The following ZNF668 variants were observed in gnomAD, a reference collection of about 807,000 sequenced individuals.
ZNF668 encodes zinc finger protein 668.
ZNF668 carries 10 observed loss-of-function variants against 40.3 expected under a neutral mutation model. That is an observed-to-expected ratio of 0.25 (90% confidence interval 0.15 to 0.42). The LOEUF (loss-of-function observed/expected upper bound fraction) is 0.42. Among genes scored for constraint, ZNF668 ranks in the 10% least tolerant of loss-of-function variants. ZNF668 has a pLI of 1.00. For missense variants in ZNF668, 749 were observed against 904.6 expected (o/e 0.83, Z 2.21); for synonymous variants, 428 against 384.6 (o/e 1.11, Z -1.32).
At chr16:31,068,239 A>AATAT (rs869069195) in intron 1 of ZNF668, among the ~76,000 whole-genome samples, 30 of 82,984 alleles carry the variant, frequency 3.6e-4, no homozygotes, top group East Asian at 1.1e-3. Context: ...AAAAAAAAAA[A>AATAT]ATATATATAT....
At position 31,064,472 on chromosome 16, in the gene ZNF668, CG is replaced by C; in HGVS notation, c.-14del. The C allele has an allele frequency of 6.2e-7, 1 of 1,607,024 alleles. No homozygotes were observed. Among genetic ancestry groups the C allele is most frequent in the Non-Finnish European group, 8.5e-7 (1 of 1,179,736 alleles). On this transcript the variant is annotated 5_prime_UTR_variant, in exon 2 of 3. Transcript: ENST00000300849. ...CCTCCACTTCCATGGCCTTGGTGAA[CG>C]GGGTTTCTCTGCAAGAGAAGCAAAG...
At chr16:31,066,553 T>C (rs2056982821) in intron 1 of ZNF668, among the ~76,000 whole-genome samples, 2 of 151,920 alleles carry the variant, frequency 1.3e-5, no homozygotes, top group African/African-American at 4.8e-5. Flanking sequence ...TGAGACCCCA[T>C]CTCTACTAAA....
chr16:31,070,819 G>A (rs892274564), intron 1 of ZNF668, among the ~76,000 whole-genome samples: 1 of 152,086 alleles, frequency 6.6e-6, no homozygotes, highest in Non-Finnish European at 1.5e-5. Flanking sequence ...GGGATTACAG[G>A]CATGAGCCAC....
intron 1 of ZNF668, among the ~76,000 whole-genome samples, chr16:31,068,410 G>C (rs2056993844): frequency 6.6e-6 from 1 of 150,556 alleles, no homozygotes; most frequent in African/African-American, 2.4e-5. Context: ...TTTTAGTAGA[G>C]ACGGGGTTTC....
In ZNF668 at chr16:31,061,167, C is replaced by A. The variant is rs1286697540; in HGVS notation, c.1761G>T (p.Leu587Phe). 4 of 1,518,272 alleles carry A rather than the reference C, an allele frequency of 2.6e-6. No individual in the cohort carries two copies. Among genetic ancestry groups the A allele is most frequent in the African/African-American group, 1.4e-5 (1 of 71,614 alleles). The allele number at this position is 1,518,272 out of a possible 1,614,324, so 94.1% of individuals were successfully genotyped here. ...CAGGGTGGGTGCGTTCATGCTTGCGCAAGTCGCTGGCACTCAAGAAGGCCT... is the reference window on the plus strand; with the variant it reads ...CAGGGTGGGTGCGTTCATGCTTGCGAAAGTCGCTGGCACTCAAGAAGGCCT... Reference protein sequence around the residue: ...CPKAFLSASDLRKHERTHPVP... With the variant: ...CPKAFLSASDFRKHERTHPVP... Residue 587 changes from leucine (L) to phenylalanine (F), a missense_variant, in exon 3 of 3, where the codon TTG becomes TTT. Physicochemically the swap from Leu to Phe is conservative, Grantham distance 22. Transcript: ENST00000300849. This position sits in a 1 kb window ranked among gnomAD's most constrained non-coding sequence, Gnocchi z 7.7.
At chr16:31,069,102 G>A (rs1487673347) in intron 1 of ZNF668, 1 of 152,066 alleles carries the variant, frequency 6.6e-6, no homozygotes, top group East Asian at 1.9e-4. Context: ...TCTCCCCCAG[G>A]TTGAATCATG....
rs1302245973 is a variant in ZNF668, at chr16:31,064,441, C to G, written c.19G>C (p.Glu7Gln). 9 of 1,611,176 alleles carry G rather than the reference C, an allele frequency of 5.6e-6. No individual in the cohort carries two copies. The highest frequency in any genetic ancestry group is 7.6e-6 in the Non-Finnish European group (9 of 1,179,854). The part of the protein sequence containing the change: MEVEAA[E>Q]ARSPAPGYKR... ...TAGCCGGGGGCTGGGGACCGGGCCT[C>G]TGCAGCCTCCACTTCCATGGCCTTG... The change falls in exon 2 of 3, where the codon GAG (glutamate) becomes CAG (glutamine). Residue 7 changes from glutamate (E) to glutamine (Q), a missense_variant. Physicochemically the swap from Glu to Gln is conservative, Grantham distance 29. Transcript: ENST00000300849.
rs1208471052 is a variant in ZNF668 at position 31,061,062 on chromosome 16, T to C, written c.*6A>G. On this transcript the variant is annotated 3_prime_UTR_variant, in exon 3 of 3. Coordinates refer to ENST00000300849, the MANE Select transcript of ZNF668 (RefSeq NM_024706.5). This position sits in a 1 kb window ranked among gnomAD's most constrained non-coding sequence, Gnocchi z 7.7. ...CCCGGAGTGTGGTGCTGGGGGGTCA[T>C]GGGCTTCAGGCCGGCCCCTCTTCAG... 2.7e-6 allele frequency: 4 copies of C among 1,486,366 alleles called. No homozygotes were observed. The highest frequency in any genetic ancestry group is 3.6e-6 in the Non-Finnish European group (4 of 1,120,648). 92.1% of individuals were successfully genotyped at this position (1,486,366 alleles called of 1,614,324 possible). A position where few individuals can be genotyped will look rare whatever the true frequency, so the allele number is the denominator to read the frequency against.
rs1312240431 is a variant in ZNF668 at position 31,061,303 on chromosome 16, C to T, written c.1625G>A (p.Arg542Gln). The change falls in exon 3 of 3, where the codon CGG (arginine) becomes CAG (glutamine). Residue 542 changes from arginine to glutamine, a missense_variant. Physicochemically the swap from Arg to Gln is conservative, Grantham distance 43. Coordinates refer to ENST00000300849, the MANE Select transcript of ZNF668 (RefSeq NM_024706.5). This position sits in a 1 kb window ranked among gnomAD's most constrained non-coding sequence, Gnocchi z 7.7. Reference protein sequence around the residue: ...RRHERSHPELRPFPCTQCGKS... With the variant: ...RRHERSHPELQPFPCTQCGKS... Reference sequence around the variant, plus strand: ...GCCGCACTGGGTGCAGGGGAAGGGCCGGAGCTCCGGGTGTGAGCGCTCGTG... The same window carrying T: ...GCCGCACTGGGTGCAGGGGAAGGGCTGGAGCTCCGGGTGTGAGCGCTCGTG... The T allele has an allele frequency of 3.2e-6, 5 of 1,577,006 alleles. No individual in the cohort carries two copies. Among genetic ancestry groups the T allele is most frequent in the East Asian group, 2.2e-5 (1 of 44,636 alleles).
In ZNF668 at chr16:31,062,205, G is replaced by A. The variant is rs545335449; in HGVS notation, c.723C>T (p.Cys241=). Residue 241 remains cysteine (C), a synonymous_variant, in exon 3 of 3, where the codon TGC becomes TGT. Transcript: ENST00000300849. ...KSFSRSSSLT[C]HQRIHAAQKP... is the part of the protein sequence containing the mutation. Reference sequence around the variant, plus strand: ...TCTGTGCCGCGTGGATGCGCTGGTGGCACGTGAGCGAGGATGAGCGGGAGA... The same window carrying A: ...TCTGTGCCGCGTGGATGCGCTGGTGACACGTGAGCGAGGATGAGCGGGAGA... 4 of 1,613,630 alleles carry A rather than the reference G, an allele frequency of 2.5e-6. No individual in the cohort carries two copies. In the South Asian group the frequency reaches 4.4e-5, roughly 18 times the overall value.
chr16:31,071,754 A>C (rs7197717), intron 1 of ZNF668, among the ~76,000 whole-genome samples: 68,721 of 151,996 alleles, frequency 0.45, 16,769 homozygotes, highest in South Asian at 0.71. Flanking sequence ...AGTGACCAGC[A>C]CCCCTCCTCT....
Position 31,061,609 on chromosome 16 carries a change from C to T in ZNF668, c.1319G>A (p.Gly440Asp). Residue 440 changes from glycine (G) to aspartate (D), a missense_variant, in exon 3 of 3, where the codon GGT becomes GAT. Physicochemically the swap from Gly to Asp is moderately conservative, Grantham distance 94 (BLOSUM62 -1). This residue lies in a region of ZNF668 where 310 missense variants were observed against 355.1 expected (regional missense o/e 0.87). Coordinates refer to ENST00000300849, the MANE Select transcript of ZNF668 (RefSeq NM_024706.5). The surrounding 1 kb of genome is among the most constrained non-coding windows in gnomAD (Gnocchi z 7.7). ...VGLALPVGVA[G>D]ESSAAPAAGA... Reference sequence around the variant, plus strand: ...TGCTGCCGGGGCGGCTGAACTCTCACCTGCCACGCCCACAGGCAGCGCCAA... The same window carrying T: ...TGCTGCCGGGGCGGCTGAACTCTCATCTGCCACGCCCACAGGCAGCGCCAA... The T allele has an allele frequency of 1.2e-6, 2 of 1,610,204 alleles. No homozygotes were observed. The highest frequency in any genetic ancestry group is 8.5e-7 in the Non-Finnish European group (1 of 1,179,844).
rs150560360 is a variant in ZNF668, at chr16:31,061,322, G to T, written c.1606C>A (p.Arg536Ser). 6 of 1,594,742 alleles carry T rather than the reference G, an allele frequency of 3.8e-6. No homozygotes were observed. Among genetic ancestry groups the T allele is most frequent in the Non-Finnish European group, 5.1e-6 (6 of 1,169,306 alleles). Residue 536 changes from arginine (R) to serine (S), a missense_variant, in exon 3 of 3, where the codon CGC (arginine) becomes AGC (serine). Transcript: ENST00000300849. The surrounding 1 kb of genome is among the most constrained non-coding windows in gnomAD (Gnocchi z 7.7). Reference sequence around the variant, plus strand: ...AAGGGCCGGAGCTCCGGGTGTGAGCGCTCGTGCCGACGCAGCAGCGTCATT... The same window carrying T: ...AAGGGCCGGAGCTCCGGGTGTGAGCTCTCGTGCCGACGCAGCAGCGTCATT... The part of the protein sequence containing the change: ...STMTLLRRHE[R>S]SHPELRPFPC...
intron 1 of ZNF668, chr16:31,064,991 T>G (rs142904609): frequency 1.7e-6 from 2 of 1,205,636 alleles, no homozygotes; most frequent in Admixed American, 4.1e-5. Context: ...TTGTGTTTTC[T>G]TTCCTCCTCT....
chr16:31,066,171 C>A lies in ZNF668; in HGVS notation c.-22-1690G>T, dbSNP rs1001893163. ...CCAACCCCATGCAGCCGGTCTTCTC[C>A]CAAAAGTAATGAATGATGTTTCCTG... On this transcript the variant is annotated intron_variant, in intron 1 of 2. Coordinates refer to ENST00000300849, the MANE Select transcript of ZNF668 (RefSeq NM_024706.5). 4.1e-6 allele frequency: 4 copies of A among 985,310 alleles called. No individual in the cohort carries two copies. In the African/African-American group the frequency reaches 7.0e-5, roughly 17 times the overall value. 61.0% of individuals were successfully genotyped at this position (985,310 alleles called of 1,614,324 possible).
At chr16:31,070,213 C>T (rs554765817) in intron 1 of ZNF668, among the ~76,000 whole-genome samples, 12 of 151,612 alleles carry the variant, frequency 7.9e-5, no homozygotes, top group East Asian at 4.0e-4. Flanking sequence ...CCACCGCGCC[C>T]GGCCCTTTTT....
rs2056915353 is a variant in ZNF668, at chr16:31,060,918, T to G, written c.*150A>C. The stretch of plus-strand genomic sequence containing the variant: ...CGTCTCAGCTTCTGCCAGCCTCCAC[T>G]GTCCCAGCTCTCTTAGCTGGCCGAC... On this transcript the variant is annotated 3_prime_UTR_variant, in exon 3 of 3. Coordinates refer to ENST00000300849, the MANE Select transcript of ZNF668 (RefSeq NM_024706.5). The G allele has an allele frequency of 1.0e-6, 1 of 978,910 alleles. No homozygotes were observed. Among genetic ancestry groups the G allele is most frequent in the African/African-American group, 1.7e-5 (1 of 59,732 alleles). The allele number at this position is 978,910 out of a possible 1,614,324, so 60.6% of individuals were successfully genotyped here.
chr16:31,069,715 C>T (rs1156721328), intron 1 of ZNF668, among the ~76,000 whole-genome samples: 1 of 151,882 alleles, frequency 6.6e-6, no homozygotes, highest in Non-Finnish European at 1.5e-5. Flanking sequence ...AGCAGTTCTC[C>T]TGCCTCAGCC....
chr16:31,068,439 G>A (rs555568627), intron 1 of ZNF668, among the ~76,000 whole-genome samples: 61 of 150,330 alleles, frequency 4.1e-4, no homozygotes, highest in African/African-American at 1.5e-3. Flanking sequence ...AGCCAGGATG[G>A]TCTCAATCTC....
Sources: allele counts gnomAD v4.1 joint callset (sites outside exome capture counted in the v4.1 genomes callset), GRCh38; gene constraint gnomAD v4.1.1; regional missense constraint gnomAD v4.1.1; non-coding constraint Gnocchi (gnomAD v3.1); transcripts MANE v1.5; gene names NCBI Gene and HGNC (gene_info 2026-07-23, HGNC 2026-07-21).